The following OXSR1 variants were observed in gnomAD, a reference collection of about 807,000 sequenced individuals.
The protein encoded by OXSR1 is oxidative stress responsive kinase 1.
Under a neutral mutation model 79.8 loss-of-function variants are expected in OXSR1, and 24 were observed. The observed-to-expected ratio is 0.30, with a 90% CI of 0.22 to 0.42. OXSR1 has a LOEUF of 0.42. OXSR1 is among the 10% of genes least tolerant of loss of function. The probability of loss-of-function intolerance (pLI) is 1.00; values close to 1 mark genes in which losing one functional copy is unlikely to be tolerated. For missense variants in OXSR1, 430 were observed against 618.4 expected, an observed-to-expected ratio of 0.70 and a Z score of 3.23; for synonymous variants, 226 against 209.2, an observed-to-expected ratio of 1.08 and a Z score of -0.69.
chr3:38,247,717 T>G lies in OXSR1; in HGVS notation c.1307T>G (p.Leu436Arg). The change falls in exon 14 of 18, where the codon CTA becomes CGA. Residue 436 changes from leucine (L) to arginine (R), a missense_variant. Transcript: ENST00000311806. ...CAAGAAACCAAGATCCCAATCAGTC[T>G]AGTACTAAGATTAAGGTAAGTAGAC... ...GSQETKIPIS[L>R]VLRLRNSKKE... 6.2e-7 allele frequency: 1 copy of G among 1,609,156 alleles called. No homozygotes were observed. Among genetic ancestry groups the G allele is most frequent in the East Asian group, 2.2e-5 (1 of 44,822 alleles).
Position 38,168,021 on chromosome 3 carries a change from G to T in OXSR1, c.70+2075G>T, listed in dbSNP as rs535936778. On this transcript the variant is annotated intron_variant, in intron 1 of 17. Coordinates refer to ENST00000311806, the MANE Select transcript of OXSR1 (RefSeq NM_005109.3). ...GTTGCAAAGGCGCTAGAGATTTCGT[G>T]ATTTGTTAATTTGGTGTCCTCAGAC... 3.6e-4 allele frequency among the ~76,000 whole-genome samples: 55 copies of T among 152,094 alleles called. 1 individual carries two copies. Among genetic ancestry groups the T allele is most frequent in the South Asian group, 6.2e-4 (3 of 4,820 alleles).
intron 10 of OXSR1, among the ~76,000 whole-genome samples, chr3:38,236,427 C>G (rs1702919630): frequency 6.6e-6 from 1 of 151,996 alleles, no homozygotes; most frequent in African/African-American, 2.4e-5. Context: ...ATGCACAGCT[C>G]TAGTGCTCTT....
At chr3:38,228,276 T>TG (rs1265105532) in intron 8 of OXSR1, among the ~76,000 whole-genome samples, 14 of 152,224 alleles carry the variant, frequency 9.2e-5, no homozygotes, top group African/African-American at 3.4e-4. Flanking sequence ...AAGAAGGAAA[T>TG]GAAGTCAGAA....
rs1340320416 is a variant in OXSR1 at position 38,247,744 on chromosome 3, T to C, written c.1322+12T>C. The C allele has an allele frequency of 6.3e-7, 1 of 1,580,136 alleles. No homozygotes were observed. The highest frequency in any genetic ancestry group is 8.7e-7 in the Non-Finnish European group (1 of 1,150,152). ...GTACTAAGATTAAGGTAAGTAGACA[T>C]TTTTTGTTTTGTTTTCTTTTGTTTT... On this transcript the variant is annotated intron_variant, in intron 14 of 17. Transcript: ENST00000311806.
chr3:38,164,227 T>C (rs1701378724), upstream of OXSR1, among the ~76,000 whole-genome samples: 1 of 152,150 alleles, frequency 6.6e-6, no homozygotes, highest in Non-Finnish European at 1.5e-5. Flanking sequence ...TGCAGTGGCA[T>C]GCTCTCGGGT....
At chr3:38,201,482 G>A (rs1482154247) in intron 4 of OXSR1, among the ~76,000 whole-genome samples, 3 of 151,988 alleles carry the variant, frequency 2.0e-5, no homozygotes, top group East Asian at 1.9e-4. Flanking sequence ...AGGCTGAGGC[G>A]GGCGGATCAT....
At chr3:38,208,369 G>A (rs1702311654) in intron 4 of OXSR1, among the ~76,000 whole-genome samples, 1 of 152,136 alleles carries the variant, frequency 6.6e-6, no homozygotes, top group South Asian at 2.1e-4. Flanking sequence ...ATATCATTAA[G>A]TCAAAACTGA....
At chr3:38,209,017 G>A (rs545982017) in intron 4 of OXSR1, among the ~76,000 whole-genome samples, 1 of 152,040 alleles carries the variant, frequency 6.6e-6, no homozygotes, top group East Asian at 1.9e-4. Flanking sequence ...TGCATGTTTG[G>A]TGGGGTATGG....
chr3:38,165,865 G>T lies in OXSR1; in HGVS notation c.-12G>T. On this transcript the variant is annotated 5_prime_UTR_variant, in exon 1 of 18. Coordinates refer to ENST00000311806, the MANE Select transcript of OXSR1 (RefSeq NM_005109.3). ...CGAGTTTGAGGGAGGACCGCGAGCC[G>T]CTGCCGCCGTCATGTCCGAGGACTC... is the stretch of plus-strand genomic sequence containing the variant. 3 of 1,606,998 alleles carry T rather than the reference G, an allele frequency of 1.9e-6. No homozygotes were observed. The highest frequency in any genetic ancestry group is 2.5e-6 in the Non-Finnish European group (3 of 1,177,578).
rs1703315008 is a variant in OXSR1, at chr3:38,254,198, G to A, written c.*1307G>A. 2.5e-6 allele frequency: 1 copy of A among 398,760 alleles called. No individual in the cohort carries two copies. Among genetic ancestry groups the A allele is most frequent in the Non-Finnish European group, 4.4e-6 (1 of 225,934 alleles). The allele number at this position is 398,760 out of a possible 1,614,324, so 24.7% of individuals were successfully genotyped here. A position where few individuals can be genotyped will look rare whatever the true frequency, so the allele number is the denominator to read the frequency against. On this transcript the variant is annotated 3_prime_UTR_variant, in exon 18 of 18. Coordinates refer to ENST00000311806, the MANE Select transcript of OXSR1 (RefSeq NM_005109.3). ...ACACAAAGATGGGCTGTGGGTCCCT[G>A]GAAAGGGGGAGAGTTGCCCTTTACA...
chr3:38,174,297 C>G (rs1575306239), intron 1 of OXSR1, among the ~76,000 whole-genome samples: 1 of 152,244 alleles, frequency 6.6e-6, no homozygotes, highest in South Asian at 2.1e-4. Context: ...AAAACTCAGG[C>G]TGCAGGCTGG....
chr3:38,222,669 A>G (rs1233904607), intron 6 of OXSR1, among the ~76,000 whole-genome samples: 1 of 152,210 alleles, frequency 6.6e-6, no homozygotes, highest in Non-Finnish European at 1.5e-5. Context: ...TGTGCTGGTG[A>G]CAGTGTATAA....
At chr3:38,176,023 C>G (rs1559499954) in intron 1 of OXSR1, among the ~76,000 whole-genome samples, 1 of 152,134 alleles carries the variant, frequency 6.6e-6, no homozygotes, top group East Asian at 1.9e-4. Context: ...TAAACCATTC[C>G]TTTTGTTCTT....
chr3:38,167,836 A>G (rs1298109877), intron 1 of OXSR1, among the ~76,000 whole-genome samples: 2 of 152,200 alleles, frequency 1.3e-5, no homozygotes, highest in South Asian at 2.1e-4. Flanking sequence ...GGAAGATTCC[A>G]AAATGATGTC....
At chr3:38,173,436 C>T (rs976923180) in intron 1 of OXSR1, among the ~76,000 whole-genome samples, 2 of 152,144 alleles carry the variant, frequency 1.3e-5, no homozygotes, top group African/African-American at 4.8e-5. Context: ...CCCTACTCTG[C>T]CTAACTAACT....
At position 38,253,105 on chromosome 3, in the gene OXSR1, T is replaced by A. The variant is rs1443574788; in HGVS notation, c.*214T>A. On this transcript the variant is annotated 3_prime_UTR_variant, in exon 18 of 18. Transcript: ENST00000311806. ...AGTGGCCAGCATCCCCAGAGTTCCGTTAGTAAACTTACTTCATATGTCCCC... is the reference window on the plus strand; with the variant it reads ...AGTGGCCAGCATCCCCAGAGTTCCGATAGTAAACTTACTTCATATGTCCCC... The A allele has an allele frequency of 5.3e-6, 3 of 563,854 alleles. No individual in the cohort carries two copies. Among genetic ancestry groups the A allele is most frequent in the Non-Finnish European group, 9.5e-6 (3 of 316,764 alleles). The allele number at this position is 563,854 out of a possible 1,614,324, so 34.9% of individuals were successfully genotyped here. A position where few individuals can be genotyped will look rare whatever the true frequency, so the allele number is the denominator to read the frequency against.
rs566913871 is a variant in OXSR1, at chr3:38,182,163, T to C, written c.71-840T>C. Among the ~76,000 whole-genome samples, 24 of 152,376 alleles carry C rather than the reference T, an allele frequency of 1.6e-4. 1 individual carries two copies. In the South Asian group the frequency reaches 3.5e-3, roughly 22 times the overall value. ...GATCTCTTGGAATGCTATTTTTTTC[T>C]GTTTTATTCTTCTGGCACCTCTAGA... On this transcript the variant is annotated intron_variant, in intron 1 of 17. Coordinates refer to ENST00000311806, the MANE Select transcript of OXSR1 (RefSeq NM_005109.3).
intron 1 of OXSR1, among the ~76,000 whole-genome samples, chr3:38,173,181 ATTAC>A (rs1173616513): frequency 6.6e-6 from 1 of 152,244 alleles, no homozygotes; most frequent in Non-Finnish European, 1.5e-5. Flanking sequence ...TGGACACATT[ATTAC>A]TTCAAACAAA....
At chr3:38,180,739 G>A (rs760450566) in intron 1 of OXSR1, among the ~76,000 whole-genome samples, 1 of 151,276 alleles carries the variant, frequency 6.6e-6, no homozygotes, top group Non-Finnish European at 1.5e-5. Flanking sequence ...TTGCCATGTC[G>A]CCCAGGCTGG....
Sources: allele counts gnomAD v4.1 joint callset (sites outside exome capture counted in the v4.1 genomes callset), GRCh38; gene constraint gnomAD v4.1.1; transcripts MANE v1.5; gene names NCBI Gene and HGNC (gene_info 2026-07-23, HGNC 2026-07-21).